Variants in POR observed in about 807,000 individuals in gnomAD.
POR encodes the protein NADPH--cytochrome P450 reductase.
POR carries 56 observed loss-of-function variants against 84.0 expected under a neutral mutation model. The observed-to-expected ratio is 0.67, with a 90% CI of 0.54 to 0.83. The LOEUF (loss-of-function observed/expected upper bound fraction) is 0.83. Among genes scored for constraint, POR ranks in the 40% least tolerant of loss-of-function variants. POR has a pLI of 0.00. For synonymous variants in POR, 414 were observed against 400.5 expected (o/e 1.03, Z -0.40); for missense variants, 938 against 944.3 (o/e 0.99, Z 0.09).
intron 2 of POR, among the ~76,000 whole-genome samples, chr7:75,964,469 G>A (rs937879063): frequency 5.3e-5 from 8 of 151,410 alleles, no homozygotes; most frequent in Admixed American, 2.0e-4. Context: ...CACCACACCC[G>A]GCTAATTTTT....
chr7:75,975,541 G>A (rs782291454), intron 3 of POR, among the ~76,000 whole-genome samples: 2 of 152,118 alleles, frequency 1.3e-5, no homozygotes, highest in Non-Finnish European at 2.9e-5. Flanking sequence ...CTGAGAGGCT[G>A]AAGTGGGAGG....
At chr7:75,985,544 G>A in intron 12 of POR, 35 bp from the exon 13 acceptor site, 1 of 1,496,762 alleles carries the variant, frequency 6.7e-7, no homozygotes, top group Non-Finnish European at 8.9e-7. Flanking sequence ...AAGGGCCTCG[G>A]TGTGGCGGTG....
At chr7:75,967,874 C>T in intron 2 of POR, 1 of 361,328 alleles carries the variant, frequency 2.8e-6, no homozygotes, top group Admixed American at 3.4e-5. Context: ...CTCATGGGGG[C>T]AGACGCAGGC....
intron 3 of POR, among the ~76,000 whole-genome samples, chr7:75,973,841 G>A (rs1381904038): frequency 6.6e-6 from 1 of 151,710 alleles, no homozygotes; most frequent in Non-Finnish European, 1.5e-5. Context: ...CACCGTGCCT[G>A]GCTAATTTTT....
chr7:75,972,351 C>G (rs1360105285), intron 2 of POR, 62 bp from the exon 3 acceptor site: 2 of 1,453,342 alleles, frequency 1.4e-6, no homozygotes, highest in Admixed American at 1.9e-5. Flanking sequence ...CACCCACGTC[C>G]CGTGACACCT....
chr7:75,947,436 C>G (rs1236254821), intron 1 of POR, among the ~76,000 whole-genome samples: 1 of 152,108 alleles, frequency 6.6e-6, no homozygotes, highest in African/African-American at 2.4e-5. Flanking sequence ...CCACCATGAC[C>G]TGCTCGCAGC....
intron 2 of POR, among the ~76,000 whole-genome samples, chr7:75,964,305 A>G (rs1788073803): frequency 6.7e-6 from 1 of 148,262 alleles, no homozygotes; most frequent in South Asian, 2.1e-4. Context: ...CAGCCTAAGC[A>G]TTTTTCTTTT....
chr7:75,924,018 TG>T (rs1340637638), intron 1 of POR, among the ~76,000 whole-genome samples: 1 of 152,204 alleles, frequency 6.6e-6, no homozygotes, highest in Non-Finnish European at 1.5e-5. Flanking sequence ...AATCACATTT[TG>T]TGGAGAAAGG....
At chr7:75,927,365 T>C (rs112351193) in intron 1 of POR, among the ~76,000 whole-genome samples, 151 of 151,896 alleles carry the variant, frequency 9.9e-4, no homozygotes, top group African/African-American at 3.4e-3. Flanking sequence ...TGGGGCTTGG[T>C]GGTGGGTGCC....
Position 75,939,302 on chromosome 7 carries a change from G to A in POR, c.-4-14687G>A, listed in dbSNP as rs1239850138. On this transcript the variant is annotated intron_variant, in intron 1 of 15. Coordinates refer to ENST00000461988, the MANE Select transcript of POR (RefSeq NM_000941.3). Reference sequence around the variant, plus strand: ...GTGGGATTAGGAGCCTGCCTGCCTCGCACTCCCTGGCATCCTTAGTGCTTT... The same window carrying A: ...GTGGGATTAGGAGCCTGCCTGCCTCACACTCCCTGGCATCCTTAGTGCTTT... 5.9e-5 allele frequency among the ~76,000 whole-genome samples: 9 copies of A among 152,344 alleles called. No individual in the cohort carries two copies. In the South Asian group the frequency reaches 8.3e-4, roughly 14 times the overall value.
chr7:75,985,590 CTCTGTGCACA>C lies in POR; in HGVS notation c.1418_1427del (p.His473ArgfsTer69). 1 of 1,555,672 alleles carries C rather than the reference CTCTGTGCACA, an allele frequency of 6.4e-7. No homozygotes were observed. Among genetic ancestry groups the C allele is most frequent in the Non-Finnish European group, 8.7e-7 (1 of 1,146,354 alleles). On this transcript the variant is annotated frameshift_variant, in exon 13 of 16. Coordinates refer to ENST00000461988, the MANE Select transcript of POR (RefSeq NM_000941.3). LOFTEE classifies it high-confidence loss of function. ...GGCCCTCCCCACAGGTCCACCCCAA[CTCTGTGCACA>C]TCTGTGCGGTGGTTGTGGAGTACGA...
intron 2 of POR, among the ~76,000 whole-genome samples, chr7:75,961,274 TAAAAA>T (rs34683650): frequency 5.7e-5 from 8 of 141,352 alleles, no homozygotes; most frequent in African/African-American, 1.3e-4. Context: ...ACAGCTTCTT[TAAAAA>T]AAAAAAAAAA....
At position 75,979,509 on chromosome 7, in the gene POR, AC is replaced by A. The variant is rs1554557309; in HGVS notation, c.298del (p.Arg100AlafsTer26). The stretch of plus-strand genomic sequence containing the variant: ...ACGGGGACTGCAGAGGAGTTTGCCA[AC>A]CGCCTGTCCAAGGACGCCCACCGCT... On this transcript the variant is annotated frameshift_variant, in exon 4 of 16. Transcript: ENST00000461988. LOFTEE classifies it high-confidence loss of function. The A allele has an allele frequency of 1.2e-6, 2 of 1,613,206 alleles. No homozygotes were observed. The highest frequency in any genetic ancestry group is 2.7e-5 in the African/African-American group (2 of 74,882).
chr7:75,971,594 C>G (rs894122843), intron 2 of POR, among the ~76,000 whole-genome samples: 1 of 152,068 alleles, frequency 6.6e-6, no homozygotes, highest in Non-Finnish European at 1.5e-5. Context: ...TGGCGGGCAC[C>G]AGGCTGCCCT....
chr7:75,951,927 C>A (rs1787438194), intron 1 of POR, among the ~76,000 whole-genome samples: 1 of 152,270 alleles, frequency 6.6e-6, no homozygotes, highest in South Asian at 2.1e-4. Context: ...GGTTCCCCCA[C>A]CTCCCTCCCG....
intron 6 of POR, 119 bp from the exon 7 acceptor site, chr7:75,981,398 C>A (rs782388402): frequency 1.6e-6 from 2 of 1,233,112 alleles, no homozygotes; most frequent in Non-Finnish European, 2.3e-6. Flanking sequence ...CGCTGGGTGC[C>A]CCAGGGTGCA....
intron 1 of POR, among the ~76,000 whole-genome samples, chr7:75,953,327 G>A (rs1787536888): frequency 7.0e-6 from 1 of 142,202 alleles, no homozygotes; most frequent in Non-Finnish European, 1.5e-5. Flanking sequence ...GAGGGGGAGG[G>A]GGAGGGGGAG....
At chr7:75,933,491 C>T (rs1585090332) in intron 1 of POR, among the ~76,000 whole-genome samples, 1 of 146,486 alleles carries the variant, frequency 6.8e-6, no homozygotes, top group South Asian at 2.2e-4. Flanking sequence ...CAGGTTCAAG[C>T]GATTCTCCTG....
intron 2 of POR, among the ~76,000 whole-genome samples, chr7:75,959,558 C>A (rs1187396868): frequency 6.6e-6 from 1 of 152,160 alleles, no homozygotes; most frequent in South Asian, 2.1e-4. Flanking sequence ...GGGGCTCAAG[C>A]GATTCTCTTG....
Sources: gnomAD v4.1 joint callset for allele counts (sites outside exome capture counted in the v4.1 genomes callset) on GRCh38, gnomAD v4.1.1 for gene constraint, MANE v1.5 for transcripts, NCBI Gene and HGNC (gene_info 2026-07-23, HGNC 2026-07-21) for gene names.